RAI1: variants seen among roughly 807,000 people sequenced by gnomAD.
RAI1 encodes the protein retinoic acid induced 1.
In RAI1, 9 loss-of-function variants were observed where a neutral mutation model predicts 123.8. The observed-to-expected ratio is 0.07, with a 90% CI of 0.04 to 0.13. The LOEUF (loss-of-function observed/expected upper bound fraction) is 0.13, where lower values mean the gene tolerates loss of function less well. Ranked by LOEUF, RAI1 falls within the 10% of genes least tolerant of loss-of-function variation. RAI1 has a pLI of 1.00. For synonymous variants in RAI1, 1,231 were observed against 1,127.3 expected (o/e 1.09, Z -1.84); for missense variants, 2,256 against 2,545.8 (o/e 0.89, Z 2.45).
chr17:17,730,284 C>T (rs1916226273), intron 2 of RAI1, among the ~76,000 whole-genome samples: 1 of 152,244 alleles, frequency 6.6e-6, no homozygotes, highest in South Asian at 2.1e-4. Flanking sequence ...ATGGAAGGCC[C>T]TGATTAAAAT....
At chr17:17,759,761 A>G (rs929658551) in intron 2 of RAI1, among the ~76,000 whole-genome samples, 1 of 152,212 alleles carries the variant, frequency 6.6e-6, no homozygotes, top group Non-Finnish European at 1.5e-5. Context: ...TGCTGCACTC[A>G]GCACCAAGCA....
intron 1 of RAI1, among the ~76,000 whole-genome samples, chr17:17,705,654 G>T (rs1186141966): frequency 6.6e-6 from 1 of 151,668 alleles, no homozygotes; most frequent in Non-Finnish European, 1.5e-5. Context: ...TATACCCAGC[G>T]GGCAGAGGTT....
At chr17:17,804,076 G>C in intron 4 of RAI1, 1 of 630,508 alleles carries the variant, frequency 1.6e-6, no homozygotes, top group Non-Finnish European at 3.0e-6. Flanking sequence ...GGAGTGCCCA[G>C]AGCAGTGAGG....
intron 2 of RAI1, among the ~76,000 whole-genome samples, chr17:17,788,797 C>A (rs940896620): frequency 6.6e-6 from 1 of 152,102 alleles, no homozygotes; most frequent in Non-Finnish European, 1.5e-5. Context: ...TTCCAGCCAC[C>A]ACCTCCCAGC....
intron 1 of RAI1, among the ~76,000 whole-genome samples, chr17:17,695,391 C>T (rs1015043904): frequency 2.6e-5 from 4 of 152,148 alleles, no homozygotes; most frequent in Admixed American, 1.3e-4. Flanking sequence ...CTCCTGAGCT[C>T]GGGCACCCCG....
chr17:17,732,536 G>A (rs1916305075), intron 2 of RAI1, among the ~76,000 whole-genome samples: 1 of 152,148 alleles, frequency 6.6e-6, no homozygotes, highest in Non-Finnish European at 1.5e-5. Context: ...TGTTCTCCTG[G>A]GGTTTGCAGG....
chr17:17,799,281 AG>A lies in RAI1; in HGVS notation c.5565+770del, dbSNP rs2143003895. On this transcript the variant is annotated intron_variant, in intron 3 of 5. Coordinates refer to ENST00000353383, the MANE Select transcript of RAI1 (RefSeq NM_030665.4). The surrounding 1 kb of genome is among the most constrained non-coding windows in gnomAD (Gnocchi z 4.5). ...TGGAGGAGGGGTCGGGAGGGTTAAAAGGTGGGCACCTCTGAGCCCACCGAGC... is the reference window on the plus strand; with the variant it reads ...TGGAGGAGGGGTCGGGAGGGTTAAAAGTGGGCACCTCTGAGCCCACCGAGC... 6.6e-6 allele frequency among the ~76,000 whole-genome samples: 1 copy of A among 152,240 alleles called. No individual in the cohort carries two copies. Among genetic ancestry groups the A allele is most frequent in the South Asian group, 2.1e-4 (1 of 4,826 alleles).
At chr17:17,715,896 GT>G in intron 1 of RAI1, among the ~76,000 whole-genome samples, 1 of 152,316 alleles carries the variant, frequency 6.6e-6, no homozygotes, top group Middle Eastern at 3.4e-3. Flanking sequence ...CCTGTTGTCC[GT>G]TCCGTGCCCT....
intron 2 of RAI1, among the ~76,000 whole-genome samples, chr17:17,792,293 TAGA>T (rs991329883): frequency 6.6e-6 from 1 of 151,206 alleles, no homozygotes; most frequent in African/African-American, 2.5e-5. Context: ...GTGGCAGTGA[TAGA>T]GGAGGTGTGT....
Position 17,681,774 on chromosome 17 carries a change from G to C in RAI1, c.-168G>C, listed in dbSNP as rs1360169890. On this transcript the variant is annotated 5_prime_UTR_variant, in exon 1 of 6. Coordinates refer to ENST00000353383, the MANE Select transcript of RAI1 (RefSeq NM_030665.4). ...TCGCAGCGCCAGACCCAAGGCCCCC[G>C]AGTGAGCGCGGGCGCCGAGGTGAGC... 1 of 326,850 alleles carries C rather than the reference G, an allele frequency of 3.1e-6. No homozygotes were observed. The highest frequency in any genetic ancestry group is 5.6e-6 in the Non-Finnish European group (1 of 179,226). The allele number at this position is 326,850 out of a possible 1,614,324, so 20.2% of individuals were successfully genotyped here.
chr17:17,762,809 C>T (rs974606056), intron 2 of RAI1, among the ~76,000 whole-genome samples: 5 of 152,108 alleles, frequency 3.3e-5, no homozygotes, highest in African/African-American at 1.2e-4. Context: ...TTCATGCACC[C>T]GCCTCCCCCT....
At chr17:17,742,129 T>C (rs796737091) in intron 2 of RAI1, among the ~76,000 whole-genome samples, 2 of 152,354 alleles carry the variant, frequency 1.3e-5, no homozygotes, top group African/African-American at 4.8e-5. Flanking sequence ...GGAGGTGGGC[T>C]TCTGTGGCCA....
chr17:17,795,966 G>A lies in RAI1; in HGVS notation c.3018G>A (p.Gly1006=), dbSNP rs1355100563. ...KSLRSRRVHR[G]LPEAEDSPCR... ...TACGGAGCCGTCGGGTGCACCGGGG[G>A]CTGCCCGAGGCCGAGGACTCCCCAT... The change falls in exon 3 of 6, where the codon GGG becomes GGA. Residue 1006 remains glycine, a synonymous_variant. Coordinates refer to ENST00000353383, the MANE Select transcript of RAI1 (RefSeq NM_030665.4). The surrounding 1 kb of genome is among the most constrained non-coding windows in gnomAD (Gnocchi z 5.9). 5 of 1,603,196 alleles carry A rather than the reference G, an allele frequency of 3.1e-6. No homozygotes were observed. Among genetic ancestry groups the A allele is most frequent in the South Asian group, 2.2e-5 (2 of 90,222 alleles).
intron 1 of RAI1, among the ~76,000 whole-genome samples, chr17:17,717,156 C>G (rs1915736983): frequency 6.6e-6 from 1 of 152,168 alleles, no homozygotes; most frequent in Non-Finnish European, 1.5e-5. Context: ...GGCTAAGGGT[C>G]AGTCTGTGGC....
intron 2 of RAI1, chr17:17,777,838 G>C (rs1422882758): frequency 6.6e-6 from 1 of 152,298 alleles, no homozygotes; most frequent in Non-Finnish European, 1.5e-5. Context: ...CTGCTGTCAG[G>C]AACAAATGCT....
At chr17:17,743,936 A>T (rs187928518) in intron 2 of RAI1, among the ~76,000 whole-genome samples, 5 of 152,232 alleles carry the variant, frequency 3.3e-5, no homozygotes, top group African/African-American at 1.2e-4. Context: ...CAGGGCAGGG[A>T]GGGGAGCTAA....
intron 2 of RAI1, among the ~76,000 whole-genome samples, chr17:17,756,206 T>C (rs1307955996): frequency 3.3e-5 from 5 of 151,986 alleles, no homozygotes; most frequent in African/African-American, 1.2e-4. Context: ...AATTTTTTTT[T>C]TTTTTTTGGA....
intron 2 of RAI1, among the ~76,000 whole-genome samples, chr17:17,761,873 G>A (rs192927613): frequency 4.5e-4 from 68 of 152,246 alleles, no homozygotes; most frequent in African/African-American, 1.3e-3. Context: ...ACTGAGGAGC[G>A]AGGGCAGGTG....
rs775774644 is a variant in RAI1, at chr17:17,797,078, G to T, written c.4130G>T (p.Gly1377Val). ...GLKGAGGSPV[G>V]VEEGLVNVGT... ...AAGGGTGCTGGGGGCAGCCCAGTGG[G>T]GGTGGAAGAAGGCCTGGTAAATGTG... The change falls in exon 3 of 6, where the codon GGG (glycine) becomes GTG (valine). Residue 1377 changes from glycine to valine, a missense_variant. Coordinates refer to ENST00000353383, the MANE Select transcript of RAI1 (RefSeq NM_030665.4). 6.2e-7 allele frequency: 1 copy of T among 1,614,032 alleles called. No homozygotes were observed. The highest frequency in any genetic ancestry group is 1.3e-5 in the African/African-American group (1 of 75,074).
Sources: gnomAD v4.1 joint callset for allele counts (sites outside exome capture counted in the v4.1 genomes callset) on GRCh38, gnomAD v4.1.1 for gene constraint, Gnocchi (gnomAD v3.1) non-coding constraint, MANE v1.5 for transcripts, NCBI Gene and HGNC (gene_info 2026-07-23, HGNC 2026-07-21) for gene names.